RIPOR2: variants seen among roughly 807,000 people sequenced by gnomAD.
The protein encoded by RIPOR2 is rho family-interacting cell polarization regulator 2.
RIPOR2 carries 39 observed loss-of-function variants against 114.5 expected under a neutral mutation model. That is an observed-to-expected ratio of 0.34 (90% CI 0.26 to 0.44). The LOEUF (loss-of-function observed/expected upper bound fraction) is 0.44, where lower values mean the gene tolerates loss of function less well. Among genes scored for constraint, RIPOR2 ranks in the 20% least tolerant of loss-of-function variants. The probability of loss-of-function intolerance (pLI) is 1.00; values close to 1 mark genes in which losing one functional copy is unlikely to be tolerated. For synonymous variants in RIPOR2, 445 were observed against 484.4 expected, an observed-to-expected ratio of 0.92 and a Z score of 1.07; for missense variants, 1,007 against 1,255.1, an observed-to-expected ratio of 0.80 and a Z score of 2.99.
intron 13 of RIPOR2, among the ~76,000 whole-genome samples, chr6:24,841,720 C>T (rs193197853): frequency 1.3e-5 from 2 of 151,538 alleles, no homozygotes; most frequent in East Asian, 1.9e-4. Context: ...TTGGCTCAAG[C>T]GATTCTTCCA....
rs1481918856 is a variant in RIPOR2, at chr6:24,954,455, CCTTT to C, written c.77-78642_77-78639del. On this transcript the variant is annotated intron_variant, in intron 1 of 13. Coordinates refer to the RIPOR2 transcript ENST00000510784. ...AACTGTGCAGGCCCAGTCTCTCTCT[CCTTT>C]TTTTTTTTTTTTTTGAGACAGGGTC... Among the ~76,000 whole-genome samples the C allele has an allele frequency of 2.3e-4, 27 of 116,248 alleles. 1 individual carries two copies. The East Asian group carries it at 6.2e-3, about 27-fold the overall frequency. The allele number at this position is 116,248 out of a possible 152,430, so 76.3% of individuals were successfully genotyped here. A position where few individuals can be genotyped will look rare whatever the true frequency, so the allele number is the denominator to read the frequency against.
chr6:25,007,747 A>C (rs975289642), intron 1 of RIPOR2, among the ~76,000 whole-genome samples: 2 of 142,154 alleles, frequency 1.4e-5, no homozygotes, highest in East Asian at 2.1e-4. Flanking sequence ...TCTGTCAATA[A>C]CTCCACATTT....
intron 19 of RIPOR2, among the ~76,000 whole-genome samples, chr6:24,824,085 C>T (rs958557506): frequency 6.6e-6 from 1 of 152,284 alleles, no homozygotes; most frequent in African/African-American, 2.4e-5. Context: ...GGGCACATTT[C>T]GAACACTGGC....
intron 1 of RIPOR2, among the ~76,000 whole-genome samples, chr6:24,908,917 G>A (rs973756131): frequency 7.2e-5 from 11 of 152,286 alleles, no homozygotes; most frequent in South Asian, 2.1e-4. Context: ...TTTCTCTGTA[G>A]CTTGGTATTT....
At chr6:25,032,262 A>G (rs992984816) in intron 1 of RIPOR2, among the ~76,000 whole-genome samples, 2 of 152,040 alleles carry the variant, frequency 1.3e-5, no homozygotes, top group Non-Finnish European at 2.9e-5. Flanking sequence ...ACCTCAGGGA[A>G]CAAGCTTTGG....
At chr6:24,882,308 A>G (rs1766426961) in intron 1 of RIPOR2, among the ~76,000 whole-genome samples, 1 of 152,228 alleles carries the variant, frequency 6.6e-6, no homozygotes, top group East Asian at 1.9e-4. Flanking sequence ...AAGGCTAGAT[A>G]TATATATTAA....
chr6:24,869,066 AG>A, intron 6 of RIPOR2, 27 bp downstream of exon 6: 2 of 1,376,106 alleles, frequency 1.5e-6, no homozygotes, highest in Non-Finnish European at 2.1e-6. Flanking sequence ...ACTGAAAAAC[AG>A]GCAATGAGAA....
chr6:25,035,650 A>G (rs968255300), intron 1 of RIPOR2, among the ~76,000 whole-genome samples: 1 of 152,122 alleles, frequency 6.6e-6, no homozygotes, highest in Non-Finnish European at 1.5e-5. Flanking sequence ...CGGGGGAGAA[A>G]CATGAGTGTG....
intron 9 of RIPOR2, among the ~76,000 whole-genome samples, chr6:24,851,509 G>A (rs1357334090): frequency 6.6e-6 from 1 of 152,176 alleles, no homozygotes; most frequent in Non-Finnish European, 1.5e-5. Flanking sequence ...TCCTTGGTCA[G>A]ACTGCTTTAA....
At chr6:25,008,987 C>T (rs1021633642) in intron 1 of RIPOR2, among the ~76,000 whole-genome samples, 2 of 152,188 alleles carry the variant, frequency 1.3e-5, no homozygotes, top group Non-Finnish European at 2.9e-5. Context: ...AGGGATGAAG[C>T]CAGGACACTG....
rs148017197 is a variant in RIPOR2, at chr6:24,963,348, A to G, written c.76+78503T>C. Among the ~76,000 whole-genome samples the G allele has an allele frequency of 7.3e-4, 111 of 152,316 alleles. 1 individual carries two copies. The East Asian group carries it at 0.019, about 26-fold the overall frequency. On this transcript the variant is annotated intron_variant, in intron 1 of 13. Transcript: ENST00000510784. ...ATGCCTGGTCGCATGTGTTTACCCCACTTTTTGAACCCCTACAAAGAGGTT... is the reference window on the plus strand; with the variant it reads ...ATGCCTGGTCGCATGTGTTTACCCCGCTTTTTGAACCCCTACAAAGAGGTT...
chr6:24,941,142 T>G (rs1245284643), intron 1 of RIPOR2, among the ~76,000 whole-genome samples: 1 of 152,164 alleles, frequency 6.6e-6, no homozygotes, highest in Non-Finnish European at 1.5e-5. Flanking sequence ...AGTCACTTAC[T>G]GAAGGTGCTG....
intron 14 of RIPOR2, 37 bp downstream of exon 14, chr6:24,839,054 C>T: frequency 1.3e-6 from 2 of 1,503,194 alleles, no homozygotes; most frequent in South Asian, 2.4e-5. Flanking sequence ...TCAGCTGTGA[C>T]AGGAGAAATA....
intron 18 of RIPOR2, 64 bp downstream of exon 18, chr6:24,828,073 T>G: frequency 7.4e-7 from 1 of 1,347,382 alleles, no homozygotes. Flanking sequence ...AGCCATGATT[T>G]AAAAGAGCAG....
intron 19 of RIPOR2, among the ~76,000 whole-genome samples, chr6:24,824,647 A>G (rs978106870): frequency 5.3e-5 from 8 of 152,238 alleles, no homozygotes; most frequent in Admixed American, 5.2e-4. Context: ...CCTGGAAGTA[A>G]GAGTGATGGC....
intron 1 of RIPOR2, among the ~76,000 whole-genome samples, chr6:24,912,271 A>G (rs1769685969): frequency 1.3e-5 from 2 of 152,206 alleles, no homozygotes; most frequent in South Asian, 4.1e-4. Context: ...ATTGAATGAA[A>G]GATGGATCAC....
chr6:24,892,419 T>C (rs1299346005), intron 1 of RIPOR2, among the ~76,000 whole-genome samples: 1 of 152,196 alleles, frequency 6.6e-6, no homozygotes, highest in Non-Finnish European at 1.5e-5. Context: ...TTCCGTATGC[T>C]CACACCCAGG....
At chr6:24,980,040 C>T (rs779304248) in intron 1 of RIPOR2, among the ~76,000 whole-genome samples, 7 of 152,230 alleles carry the variant, frequency 4.6e-5, no homozygotes, top group Non-Finnish European at 8.8e-5. Context: ...ACAGCCCATA[C>T]TTACAGAAGC....
intron 15 of RIPOR2, among the ~76,000 whole-genome samples, chr6:24,834,916 G>A (rs140612154): frequency 9.2e-5 from 14 of 152,236 alleles, no homozygotes; most frequent in African/African-American, 3.1e-4. Context: ...GAGTCACTGC[G>A]CCTGGTCTGG....
Sources: allele counts gnomAD v4.1 joint callset (sites outside exome capture counted in the v4.1 genomes callset), GRCh38; gene constraint gnomAD v4.1.1; transcripts MANE v1.5; gene names NCBI Gene and HGNC (gene_info 2026-07-23, HGNC 2026-07-21).